SMARCA2: variants seen among roughly 807,000 people sequenced by gnomAD.
SMARCA2 encodes SWI/SNF related BAF chromatin remodeling complex subunit ATPase 2.
In SMARCA2, 61 loss-of-function variants were observed where a neutral mutation model predicts 199.8. That is an observed-to-expected ratio of 0.31 (90% confidence interval 0.25 to 0.38). SMARCA2 has a LOEUF of 0.38. SMARCA2 is among the 10% of genes least tolerant of loss of function. SMARCA2 has a pLI of 1.00. For synonymous variants in SMARCA2, 935 were observed against 732.0 expected (o/e 1.28, Z -4.48); for missense variants, 1,344 against 2,012.2 (o/e 0.67, Z 6.35).
chr9:2,191,189 G>A (rs10965149), intron 32 of SMARCA2, 77 bp from the exon 33 acceptor site: 2 of 1,358,986 alleles, frequency 1.5e-6, no homozygotes, highest in Non-Finnish European at 2.1e-6. Flanking sequence ...TCTGTAGGTT[G>A]GTGATAGTCT....
intron 27 of SMARCA2, among the ~76,000 whole-genome samples, chr9:2,146,812 G>T (rs1185730471): frequency 6.6e-6 from 1 of 152,108 alleles, no homozygotes; most frequent in East Asian, 1.9e-4. Context: ...TCTGGTGGGA[G>T]TGTAGCAGTG....
chr9:2,077,632 A>G lies in SMARCA2; in HGVS notation c.2040A>G (p.Thr680=), dbSNP rs1157078795. 1.2e-6 allele frequency: 2 copies of G among 1,613,572 alleles called. No individual in the cohort carries two copies. Among genetic ancestry groups the G allele is most frequent in the Non-Finnish European group, 1.7e-6 (2 of 1,179,596 alleles). ...SEKDAKQIIE[T]AKQDVDDEYS... is the part of the protein sequence containing the mutation. ...TCTCCACTTTTTCCTTTCCCAGGAC[A>G]GCTAAGCAAGACGTGGATGATGAAT... The change falls in exon 14 of 34, where the codon ACA becomes ACG. Residue 680 remains threonine, a synonymous_variant. Coordinates refer to ENST00000349721, the MANE Select transcript of SMARCA2 (RefSeq NM_003070.5).
intron 27 of SMARCA2, among the ~76,000 whole-genome samples, chr9:2,149,973 C>G (rs1344383292): frequency 6.6e-6 from 1 of 151,500 alleles, no homozygotes; most frequent in African/African-American, 2.4e-5. Context: ...TCAAATTTAA[C>G]TAGAACCAGA....
At chr9:2,026,253 A>G (rs1171751774) in intron 1 of SMARCA2, among the ~76,000 whole-genome samples, 2 of 152,244 alleles carry the variant, frequency 1.3e-5, no homozygotes, top group Non-Finnish European at 2.9e-5. Flanking sequence ...GTTAAACTGT[A>G]CTGTTAGTCT....
chr9:2,175,196 C>T (rs1312511721), intron 29 of SMARCA2, among the ~76,000 whole-genome samples: 1 of 152,006 alleles, frequency 6.6e-6, no homozygotes, highest in Non-Finnish European at 1.5e-5. Flanking sequence ...TGTTATGAAA[C>T]GTCAAGTGAG....
intron 27 of SMARCA2, among the ~76,000 whole-genome samples, chr9:2,144,972 C>G (rs939000256): frequency 6.6e-6 from 1 of 152,180 alleles, no homozygotes; most frequent in Non-Finnish European, 1.5e-5. Context: ...GTTGGGGAAT[C>G]TGCATTTAAG....
At chr9:2,065,182 C>G (rs1302199874) in intron 9 of SMARCA2, among the ~76,000 whole-genome samples, 1 of 151,566 alleles carries the variant, frequency 6.6e-6, no homozygotes, top group Non-Finnish European at 1.5e-5. Flanking sequence ...GAGACTCTGT[C>G]TCAAAAAAAA....
chr9:2,040,023 G>T, intron 4 of SMARCA2, 123 bp downstream of exon 4: 1 of 1,500,270 alleles, frequency 6.7e-7, no homozygotes, highest in Non-Finnish European at 8.9e-7. Flanking sequence ...TACCTCACTG[G>T]CTCTCTATCC....
At position 2,039,776 on chromosome 9, in the gene SMARCA2, ACAGCAGCAGCAGCAGCAG is replaced by A. The variant is rs113070757; in HGVS notation, c.690_707del (p.Gln233_Gln238del). On this transcript the variant is annotated inframe_deletion, in exon 4 of 34. Transcript: ENST00000349721. The surrounding 1 kb of genome is among the most constrained non-coding windows in gnomAD (Gnocchi z 4.8). ...GCTTGCAGCAACAACAGCAGCAGCA[ACAGCAGCAGCAGCAGCAG>A]CAGCAGCAGCAGCAGCAGCAGCAAC... is the stretch of plus-strand genomic sequence containing the variant. 1.5e-4 allele frequency: 244 copies of A among 1,596,344 alleles called. No homozygotes were observed. Among genetic ancestry groups the A allele is most frequent in the East Asian group, 7.8e-4 (34 of 43,530 alleles).
At position 2,140,347 on chromosome 9, in the gene SMARCA2, G is replaced by A. The variant is rs568773396; in HGVS notation, c.3981+16410G>A. On this transcript the variant is annotated intron_variant, in intron 27 of 33. Transcript: ENST00000349721. ...TCATGGTATATCATTTGAAGGCACA[G>A]GGAAGGATATTGTGAAGTCCAGCAG... 1.5e-4 allele frequency among the ~76,000 whole-genome samples: 23 copies of A among 152,308 alleles called. No individual in the cohort carries two copies. In the East Asian group the frequency reaches 3.3e-3, roughly 22 times the overall value.
chr9:2,149,065 T>G (rs1328226056), intron 27 of SMARCA2, among the ~76,000 whole-genome samples: 1 of 150,984 alleles, frequency 6.6e-6, no homozygotes, highest in African/African-American at 2.4e-5. Context: ...TATTAGTCTG[T>G]TTTCACACTG....
At chr9:2,103,359 G>A (rs1171212272) in intron 22 of SMARCA2, among the ~76,000 whole-genome samples, 1 of 152,164 alleles carries the variant, frequency 6.6e-6, no homozygotes, top group East Asian at 1.9e-4. Context: ...GCCAAAGGTT[G>A]CCAAACTCTG....
chr9:2,178,743 A>G (rs1826800761), intron 29 of SMARCA2, among the ~76,000 whole-genome samples: 1 of 152,006 alleles, frequency 6.6e-6, no homozygotes, highest in Admixed American at 6.6e-5. Context: ...TTAACCTGTA[A>G]TTTAGGAAAA....
At chr9:2,091,498 G>T (rs1052267581) in intron 19 of SMARCA2, among the ~76,000 whole-genome samples, 1 of 152,160 alleles carries the variant, frequency 6.6e-6, no homozygotes, top group African/African-American at 2.4e-5. Context: ...ATGCAGCGCA[G>T]TTTGTTTGAC....
At chr9:2,052,889 G>C (rs1488411260) in intron 5 of SMARCA2, among the ~76,000 whole-genome samples, 1 of 152,158 alleles carries the variant, frequency 6.6e-6, no homozygotes, top group Non-Finnish European at 1.5e-5. Context: ...CCAGAAGTTA[G>C]AAAGAAAAAA....
chr9:2,065,959 G>C (rs908447190), intron 9 of SMARCA2, among the ~76,000 whole-genome samples: 3 of 152,176 alleles, frequency 2.0e-5, no homozygotes, highest in African/African-American at 7.2e-5. Flanking sequence ...CAAAATGTTT[G>C]AATTGATTTT....
At chr9:2,061,058 T>C (rs1039856692) in intron 9 of SMARCA2, 72 bp downstream of exon 9, 2 of 1,395,060 alleles carry the variant, frequency 1.4e-6, no homozygotes, top group African/African-American at 1.4e-5. Flanking sequence ...CGAGTATTGC[T>C]CTTTAAGTAC....
intron 27 of SMARCA2, among the ~76,000 whole-genome samples, chr9:2,150,070 G>C (rs191980265): frequency 2.6e-5 from 4 of 151,422 alleles, no homozygotes; most frequent in Admixed American, 1.3e-4. Flanking sequence ...GAGTACATGC[G>C]TCTGTATCTA....
intron 27 of SMARCA2, among the ~76,000 whole-genome samples, chr9:2,128,535 G>C (rs1439286375): frequency 6.6e-6 from 1 of 152,248 alleles, no homozygotes; most frequent in East Asian, 1.9e-4. Context: ...CTCAGCAGTT[G>C]CTAAGTCAGC....
Sources: gnomAD v4.1 joint callset for allele counts (sites outside exome capture counted in the v4.1 genomes callset) on GRCh38, gnomAD v4.1.1 for gene constraint, Gnocchi (gnomAD v3.1) non-coding constraint, MANE v1.5 for transcripts, NCBI Gene and HGNC (gene_info 2026-07-23, HGNC 2026-07-21) for gene names.